Variants in TPTE2 observed in about 807,000 individuals in gnomAD.
TPTE2 encodes the protein transmembrane phosphoinositide 3-phosphatase and tensin homolog 2.
A neutral mutation model predicts 78.6 loss-of-function variants in TPTE2; 53 were observed. The ratio of observed to expected loss-of-function variants is 0.67; its 90% CI spans 0.54 to 0.85. The LOEUF (loss-of-function observed/expected upper bound fraction) is 0.85. Ranked by LOEUF, TPTE2 falls within the 40% of genes least tolerant of loss-of-function variation. The pLI is 0.00. For missense variants in TPTE2, 461 were observed against 623.0 expected, an observed-to-expected ratio of 0.74 and a Z score of 2.77; for synonymous variants, 175 against 206.2, an observed-to-expected ratio of 0.85 and a Z score of 1.30.
At chr13:19,432,859 A>G (rs1290309032) in intron 15 of TPTE2, among the ~76,000 whole-genome samples, 1 of 152,092 alleles carries the variant, frequency 6.6e-6, no homozygotes, top group Non-Finnish European at 1.5e-5. Flanking sequence ...AATCAGAAGC[A>G]CAACAAAACA....
upstream of TPTE2, among the ~76,000 whole-genome samples, chr13:19,508,241 CCAGA>C (rs1351271039): frequency 3.3e-5 from 5 of 152,236 alleles, no homozygotes; most frequent in African/African-American, 9.6e-5. Context: ...GTACAAATGA[CCAGA>C]CAGAGTAGCC....
chr13:19,539,352 T>TGC (rs1476112510), upstream of TPTE2, among the ~76,000 whole-genome samples: 2 of 152,198 alleles, frequency 1.3e-5, no homozygotes, highest in African/African-American at 4.8e-5. Context: ...GTTTTTCCCA[T>TGC]GCTATTCTTG....
chr13:19,457,254 G>A (rs117851652), intron 10 of TPTE2, among the ~76,000 whole-genome samples: 5 of 152,170 alleles, frequency 3.3e-5, no homozygotes, highest in Non-Finnish European at 7.3e-5. Flanking sequence ...ATATACTTGA[G>A]TAGTGCAACC....
intron 13 of TPTE2, among the ~76,000 whole-genome samples, 163 bp downstream of exon 16, chr13:19,449,913 C>T (rs1178818829): frequency 6.6e-6 from 1 of 152,116 alleles, no homozygotes; most frequent in East Asian, 1.9e-4. Context: ...CCTTCCTCCT[C>T]TCCTCTTTCC....
chr13:19,528,548 A>G (rs1384354705), intron 1 of TPTE2, among the ~76,000 whole-genome samples: 1 of 152,236 alleles, frequency 6.6e-6, no homozygotes, highest in East Asian at 1.9e-4. Flanking sequence ...GGCCATGAAC[A>G]CATCCTTATA....
intron 10 of TPTE2, among the ~76,000 whole-genome samples, chr13:19,456,227 G>A (rs1412211022): frequency 6.6e-6 from 1 of 152,146 alleles, no homozygotes; most frequent in Non-Finnish European, 1.5e-5. Flanking sequence ...TTTAATCCCA[G>A]CACTTTGGGA....
intron 1 of TPTE2, among the ~76,000 whole-genome samples, chr13:19,499,769 A>C (rs1332667930): frequency 1.4e-5 from 2 of 146,782 alleles, no homozygotes; most frequent in African/African-American, 5.1e-5. Context: ...CACATTCAAA[A>C]GCTAGCAGAA....
At chr13:19,558,776 C>T in the TPTE2 span, among the ~76,000 whole-genome samples, 244 of 152,224 alleles carry the variant, frequency 1.6e-3, no homozygotes, top group African/African-American at 5.6e-3. Flanking sequence ...CTTACACATT[C>T]CACTGAATAG....
chr13:19,463,422 T>G lies in TPTE2; in HGVS notation c.741+1034A>C, dbSNP rs374480218. ...AATTTCATTGATTTGTCTATCTGTA[T>G]TCTCTGTATCTCATAGTTTCCTGAA... On this transcript the variant is annotated intron_variant, in intron 10 of 19. Transcript: ENST00000400230. Among the ~76,000 whole-genome samples, 13 of 152,366 alleles carry G rather than the reference T, an allele frequency of 8.5e-5. No individual in the cohort carries two copies. In the East Asian group the frequency reaches 1.2e-3, roughly 14 times the overall value.
In TPTE2 at chr13:19,458,062, T is replaced by A. The variant is rs55935292; in HGVS notation, c.741+6394A>T. ...ATATAAATCTAAATATAAACCAATA[T>A]AAATATAAATATAAAACCAATCTTC... On this transcript the variant is annotated intron_variant, in intron 10 of 19. Coordinates refer to ENST00000400230, the Ensembl canonical transcript of TPTE2. 4.9e-3 allele frequency among the ~76,000 whole-genome samples: 747 copies of A among 152,234 alleles called. 9 individuals carry two copies. Among genetic ancestry groups the A allele is most frequent in the African/African-American group, 0.017 (722 of 41,536 alleles).
At chr13:19,475,483 C>T (rs1879881497) in intron 5 of TPTE2, 90 bp downstream of exon 8, 2 of 1,465,232 alleles carry the variant, frequency 1.4e-6, no homozygotes, top group Admixed American at 1.9e-5. Context: ...GCCTCAGCCC[C>T]CCAGAGTGCT....
intron 10 of TPTE2, among the ~76,000 whole-genome samples, chr13:19,453,867 C>G (rs972915442): frequency 6.6e-6 from 1 of 152,070 alleles, no homozygotes; most frequent in Non-Finnish European, 1.5e-5. Flanking sequence ...CTTTGCATGG[C>G]TTACTAAGTT....
At chr13:19,519,746 G>A (rs1271660239) in intron 1 of TPTE2, among the ~76,000 whole-genome samples, 1 of 152,148 alleles carries the variant, frequency 6.6e-6, no homozygotes, top group Non-Finnish European at 1.5e-5. Flanking sequence ...CTTCAAGATT[G>A]TTTTGGTTAT....
At chr13:19,530,854 C>T (rs935620062) in intron 1 of TPTE2, among the ~76,000 whole-genome samples, 2 of 152,002 alleles carry the variant, frequency 1.3e-5, no homozygotes, top group Admixed American at 6.5e-5. Flanking sequence ...GTAAAATACA[C>T]AAAAAATGTA....
intron 1 of TPTE2, among the ~76,000 whole-genome samples, chr13:19,499,176 T>G (rs569809573): frequency 1.3e-5 from 2 of 151,970 alleles, no homozygotes; most frequent in Admixed American, 1.3e-4. Flanking sequence ...ACAAAGACAC[T>G]TAGACTCCCA....
At chr13:19,529,425 C>T (rs1456488452) in intron 1 of TPTE2, among the ~76,000 whole-genome samples, 1 of 152,200 alleles carries the variant, frequency 6.6e-6, no homozygotes, top group Non-Finnish European at 1.5e-5. Context: ...CCATGCCCAG[C>T]TGGGTTCTTA....
intron 13 of TPTE2, among the ~76,000 whole-genome samples, chr13:19,439,555 A>T (rs1400280018): frequency 6.6e-6 from 1 of 152,218 alleles, no homozygotes; most frequent in Non-Finnish European, 1.5e-5. Context: ...CACCATGAGA[A>T]ATCTGAATGT....
At chr13:19,537,846 C>A (rs188636016), upstream of TPTE2, among the ~76,000 whole-genome samples, 1,532 of 152,154 alleles carry the variant, frequency 0.01, 71 homozygotes, top group Admixed American at 0.088. Flanking sequence ...CTCAGGTGAT[C>A]CACCTATCTC....
chr13:19,526,302 G>A (rs1017728107), intron 1 of TPTE2, among the ~76,000 whole-genome samples: 17 of 152,090 alleles, frequency 1.1e-4, no homozygotes, highest in African/African-American at 4.1e-4. Context: ...CATCAATGGT[G>A]AACTGAATTT....
Sources: gnomAD v4.1 joint callset for allele counts (sites outside exome capture counted in the v4.1 genomes callset) on GRCh38, gnomAD v4.1.1 for gene constraint, MANE v1.5 for transcripts, NCBI Gene and HGNC (gene_info 2026-07-23, HGNC 2026-07-21) for gene names.